UBE3A: variants seen among roughly 807,000 people sequenced by gnomAD.
UBE3A encodes the protein ubiquitin protein ligase E3A.
Under a neutral mutation model 83.4 loss-of-function variants are expected in UBE3A, and 6 were observed. That is an observed-to-expected ratio of 0.07 (90% CI 0.04 to 0.14). The LOEUF (loss-of-function observed/expected upper bound fraction) is 0.14, where lower values mean the gene tolerates loss of function less well. Among genes scored for constraint, UBE3A ranks in the 10% least tolerant of loss-of-function variants. The probability of loss-of-function intolerance (pLI) is 1.00; values close to 1 mark genes in which losing one functional copy is unlikely to be tolerated. For missense variants in UBE3A, 456 were observed against 1,036.1 expected (o/e 0.44, Z 7.69); for synonymous variants, 337 against 355.4 (o/e 0.95, Z 0.58).
chr15:25,384,739 C>A (rs778318316), intron 4 of UBE3A, among the ~76,000 whole-genome samples: 2 of 152,046 alleles, frequency 1.3e-5, no homozygotes, highest in Non-Finnish European at 2.9e-5. Context: ...AAGCTAGAGG[C>A]CTCACATTCC....
chr15:25,380,998 T>A (rs2152890690), intron 4 of UBE3A, among the ~76,000 whole-genome samples: 1 of 152,226 alleles, frequency 6.6e-6, no homozygotes, highest in East Asian at 1.9e-4. Flanking sequence ...AAGATCAGAG[T>A]TTACTCTAGA....
At chr15:25,432,439 G>A (rs1893747760) in intron 1 of UBE3A, among the ~76,000 whole-genome samples, 1 of 152,172 alleles carries the variant, frequency 6.6e-6, no homozygotes, top group African/African-American at 2.4e-5. Context: ...AACCTGTGTA[G>A]AAGTACAGCA....
At chr15:25,395,302 T>C (rs1054157044) in intron 4 of UBE3A, among the ~76,000 whole-genome samples, 6 of 152,260 alleles carry the variant, frequency 3.9e-5, no homozygotes, top group South Asian at 2.1e-4. Context: ...ATAACATGGT[T>C]TAACTCAGAT....
chr15:25,408,763 T>A, intron 3 of UBE3A: 4 of 1,161,670 alleles, frequency 3.4e-6, no homozygotes, highest in Non-Finnish European at 4.8e-6. Context: ...GTTCACCACA[T>A]AAAAGGCATA....
chr15:25,377,730 C>A (rs531111376), intron 4 of UBE3A, among the ~76,000 whole-genome samples: 9 of 152,092 alleles, frequency 5.9e-5, no homozygotes, highest in African/African-American at 2.2e-4. Context: ...AATAATTTGA[C>A]AATTTTACAA....
intron 5 of UBE3A, chr15:25,373,534 T>A (rs889665412): frequency 6.6e-6 from 1 of 152,272 alleles, no homozygotes; most frequent in Admixed American, 6.5e-5. Flanking sequence ...TGGAATGCAG[T>A]GGCACCATTT....
intron 1 of UBE3A, among the ~76,000 whole-genome samples, chr15:25,423,904 T>C (rs1032218186): frequency 2.0e-5 from 3 of 152,134 alleles, no homozygotes. Context: ...TTTCAACATA[T>C]ATCAAGAATT....
At chr15:25,391,128 G>T (rs1157112615) in intron 4 of UBE3A, among the ~76,000 whole-genome samples, 2 of 152,124 alleles carry the variant, frequency 1.3e-5, no homozygotes, top group Admixed American at 6.5e-5. Context: ...TAAAGAAAAT[G>T]TGGTATACAT....
At chr15:25,382,285 C>A (rs1158616658) in intron 4 of UBE3A, among the ~76,000 whole-genome samples, 1 of 150,680 alleles carries the variant, frequency 6.6e-6, no homozygotes, top group East Asian at 2.0e-4. Context: ...AGAGCCACTG[C>A]ACTGTGGCCT....
At chr15:25,425,161 A>G (rs886804602) in intron 1 of UBE3A, among the ~76,000 whole-genome samples, 7 of 152,206 alleles carry the variant, frequency 4.6e-5, no homozygotes, top group Non-Finnish European at 7.4e-5. Context: ...CATACATGTC[A>G]ATGAACATAC....
chr15:25,356,363 C>G (rs576499731), intron 8 of UBE3A, among the ~76,000 whole-genome samples: 5 of 152,048 alleles, frequency 3.3e-5, no homozygotes, highest in African/African-American at 4.8e-5. Context: ...CAGGCACACT[C>G]GTTGTAACTA....
chr15:25,405,489 G>C lies in UBE3A; in HGVS notation c.34C>G (p.Gln12Glu). The C allele has an allele frequency of 6.2e-7, 1 of 1,613,886 alleles. No homozygotes were observed. The highest frequency in any genetic ancestry group is 8.5e-7 in the Non-Finnish European group (1 of 1,179,866). Residue 12 changes from glutamine to glutamate, a missense_variant, in exon 4 of 13, where the codon CAG becomes GAG. By Grantham distance (29) the Gln-to-Glu change is conservative (BLOSUM62 2). This residue lies in a region of UBE3A where 23 missense variants were observed against 18.6 expected (regional missense o/e 1.24). Coordinates refer to ENST00000648336, the MANE Select transcript of UBE3A (RefSeq NM_130839.5). Reference sequence around the variant, plus strand: ...CGGCTAGCTTCAATGTCGTCAGACTGAGGTTCTCCTGATCTGTAAAATGCA... The same window carrying C: ...CGGCTAGCTTCAATGTCGTCAGACTCAGGTTCTCCTGATCTGTAAAATGCA... Reference protein sequence around the residue: ...ATACKRSGEPQSDDIEASRMK... With the variant: ...ATACKRSGEPESDDIEASRMK...
At chr15:25,400,423 G>T (rs1343010314) in intron 4 of UBE3A, among the ~76,000 whole-genome samples, 2 of 152,138 alleles carry the variant, frequency 1.3e-5, no homozygotes, top group Non-Finnish European at 2.9e-5. Context: ...GTAAATAGTT[G>T]CTATACTGTA....
intron 1 of UBE3A, chr15:25,422,036 C>G (rs1358549191): frequency 1.3e-5 from 2 of 152,094 alleles, no homozygotes; most frequent in Admixed American, 1.3e-4. Context: ...CAGCCTAAAA[C>G]TGAAAACAAT....
At chr15:25,422,068 A>C (rs181931958) in intron 1 of UBE3A, 14 of 152,372 alleles carry the variant, frequency 9.2e-5, no homozygotes, top group Non-Finnish European at 1.6e-4. Context: ...CCAGAAAATG[A>C]ATGAACTGTG....
At chr15:25,351,479 C>T (rs1234870657) in intron 11 of UBE3A, among the ~76,000 whole-genome samples, 10 of 152,070 alleles carry the variant, frequency 6.6e-5, no homozygotes, top group East Asian at 5.8e-4. Flanking sequence ...ATCTGTTTTT[C>T]GTTTTTTTGA....
Position 25,340,078 on chromosome 15 carries a change from T to C in UBE3A, c.2498+7A>G, listed in dbSNP as rs778148779. The C allele has an allele frequency of 1.2e-6, 2 of 1,614,036 alleles. No homozygotes were observed. The highest frequency in any genetic ancestry group is 2.2e-5 in the South Asian group (2 of 91,078). ...AGGTATACAGTCACAAGTTAATAAT[T>C]ACCTACCTTTCTGTGTCTGGGCCAT... On this transcript the variant is annotated splice_region_variant and intron_variant, in intron 12 of 12. Transcript: ENST00000648336.
At chr15:25,434,646 G>A (rs1567210125) in intron 1 of UBE3A, among the ~76,000 whole-genome samples, 1 of 152,148 alleles carries the variant, frequency 6.6e-6, no homozygotes, top group Admixed American at 6.5e-5. Flanking sequence ...CTCCAAAAAG[G>A]TGGGTGAGTA....
intron 5 of UBE3A, among the ~76,000 whole-genome samples, chr15:25,372,456 G>C (rs1398881829): frequency 6.6e-6 from 1 of 152,192 alleles, no homozygotes; most frequent in African/African-American, 2.4e-5. Context: ...ATCTCATAGA[G>C]TGACAGAAAA....
Sources: gnomAD v4.1 joint callset for allele counts (sites outside exome capture counted in the v4.1 genomes callset) on GRCh38, gnomAD v4.1.1 for gene constraint, gnomAD v4.1.1 regional missense constraint, MANE v1.5 for transcripts, NCBI Gene and HGNC (gene_info 2026-07-23, HGNC 2026-07-21) for gene names.